Variants in RYR3 observed in about 807,000 individuals in gnomAD.
RYR3 encodes ryanodine receptor 3, also known as brain ryanodine receptor-calcium release channel.
Under a neutral mutation model 584.3 loss-of-function variants are expected in RYR3, and 207 were observed. That is an observed-to-expected ratio of 0.35 (90% CI 0.32 to 0.40). The LOEUF (loss-of-function observed/expected upper bound fraction) is 0.40. RYR3 is among the 10% of genes least tolerant of loss of function. The probability of loss-of-function intolerance (pLI) is 1.00; values close to 1 mark genes in which losing one functional copy is unlikely to be tolerated. For synonymous variants in RYR3, 2,416 were observed against 2,248.5 expected (o/e 1.07, Z -2.11); for missense variants, 5,616 against 6,089.2 (o/e 0.92, Z 2.59).
chr15:33,858,215 T>TTTTTTTGAGATGGAGTTTTGC (rs1276156247), intron 99 of RYR3: 5 of 293,762 alleles, frequency 1.7e-5, no homozygotes, highest in Non-Finnish European at 3.2e-5. Flanking sequence ...CATTATTTTA[T>TTTTTTTGAGATGGAGTTTTGC]TTTTTTGAGA....
rs1388636079 is a variant in RYR3, at chr15:33,464,501, T to TAC, written c.52-8917_52-8916insCA. ...ATATATATATATATACACATATATA[T>TAC]ATACATACACATACACATATATGTA... On this transcript the variant is annotated intron_variant, in intron 1 of 103. Coordinates refer to ENST00000634891, the MANE Select transcript of RYR3 (RefSeq NM_001036.6). Among the ~76,000 whole-genome samples the TAC allele has an allele frequency of 1.8e-3, 185 of 100,120 alleles. 9 individuals are homozygous for TAC. Among genetic ancestry groups the TAC allele is most frequent in the Admixed American group, 3.9e-3 (40 of 10,256 alleles). 65.7% of individuals were successfully genotyped at this position (100,120 alleles called of 152,430 possible).
chr15:33,623,442 A>G (rs1442553980), intron 19 of RYR3, among the ~76,000 whole-genome samples: 1 of 152,208 alleles, frequency 6.6e-6, no homozygotes, highest in African/African-American at 2.4e-5. Context: ...TGTAATTTTT[A>G]TATGATCTTT....
chr15:33,637,420 C>T (rs750691522), intron 27 of RYR3, among the ~76,000 whole-genome samples: 6 of 152,218 alleles, frequency 3.9e-5, no homozygotes, highest in South Asian at 2.1e-4. Context: ...GGTGCTTTGC[C>T]GCACTGTTTC....
Position 33,669,850 on chromosome 15 carries a change from G to GT in RYR3, c.5722+394_5722+395insT, listed in dbSNP as rs1178213098. ...ATTAGGGGTGTGTGTGTGTGGGGGG[G>GT]GGGGGGGGTGTGGGTGTGTGGGTGT... On this transcript the variant is annotated intron_variant, in intron 37 of 103. Transcript: ENST00000634891. Among the ~76,000 whole-genome samples, 33 of 47,602 alleles carry GT rather than the reference G, an allele frequency of 6.9e-4. 4 individuals are homozygous for GT. The highest frequency in any genetic ancestry group is 0.02 in the Middle Eastern group (2 of 98). The allele number at this position is 47,602 out of a possible 152,430, so 31.2% of individuals were successfully genotyped here. A position where few individuals can be genotyped will look rare whatever the true frequency, so the allele number is the denominator to read the frequency against.
At chr15:33,793,889 C>T (rs1343561303) in intron 67 of RYR3, among the ~76,000 whole-genome samples, 1 of 147,028 alleles carries the variant, frequency 6.8e-6, no homozygotes, top group East Asian at 2.0e-4. Context: ...CCAATAGAAA[C>T]ACTTTACACA....
intron 102 of RYR3, among the ~76,000 whole-genome samples, chr15:33,863,852 C>A (rs993827870): frequency 6.6e-6 from 1 of 152,088 alleles, no homozygotes; most frequent in Admixed American, 6.5e-5. Context: ...ATTTTGTTAA[C>A]AATAAAATGG....
At chr15:33,319,118 A>G (rs113724818) in intron 1 of RYR3, among the ~76,000 whole-genome samples, 1 of 152,166 alleles carries the variant, frequency 6.6e-6, no homozygotes, top group African/African-American at 2.4e-5. Context: ...TGAGTTCTCT[A>G]ATGGGGCTGG....
intron 72 of RYR3, among the ~76,000 whole-genome samples, chr15:33,811,943 A>C (rs891990728): frequency 1.3e-5 from 2 of 152,178 alleles, no homozygotes; most frequent in Admixed American, 6.5e-5. Context: ...CCAACACACA[A>C]AGTCTTTCCT....
chr15:33,668,429 T>A (rs997973031), intron 36 of RYR3, among the ~76,000 whole-genome samples: 1 of 152,044 alleles, frequency 6.6e-6, no homozygotes, highest in Non-Finnish European at 1.5e-5. Context: ...AATCTAGAGG[T>A]GTCCAAAGCA....
At chr15:33,755,695 A>C (rs899761147) in intron 58 of RYR3, among the ~76,000 whole-genome samples, 6 of 152,210 alleles carry the variant, frequency 3.9e-5, no homozygotes, top group African/African-American at 1.4e-4. Context: ...TTTTCGCACA[A>C]CTTATCCTAT....
At chr15:33,792,354 C>A (rs191992331) in intron 67 of RYR3, among the ~76,000 whole-genome samples, 33 of 152,224 alleles carry the variant, frequency 2.2e-4, no homozygotes, top group African/African-American at 7.9e-4. Flanking sequence ...AAGGCCTCTC[C>A]CCCAACCCGA....
In RYR3 at chr15:33,759,003, G is replaced by C. The variant is rs576758532; in HGVS notation, c.8705+1407G>C. Among the ~76,000 whole-genome samples the C allele has an allele frequency of 2.4e-4, 37 of 152,328 alleles. No homozygotes were observed. The South Asian group carries it at 7.1e-3, about 29-fold the overall frequency. On this transcript the variant is annotated intron_variant, in intron 60 of 103. Coordinates refer to ENST00000634891, the MANE Select transcript of RYR3 (RefSeq NM_001036.6). ...TCCGCTGGTGATACCCAGGCAAACA[G>C]GGTCTGGAGTGGACCTCCAGCAAAC...
Position 33,623,913 on chromosome 15 carries a change from G to C in RYR3, c.2464G>C (p.Glu822Gln). The C allele has an allele frequency of 1.2e-6, 2 of 1,613,844 alleles. No individual in the cohort carries two copies. The highest frequency in any genetic ancestry group is 8.5e-7 in the Non-Finnish European group (1 of 1,179,780). ...ACTTCCAAAAGAGAAGATGAGATTG[G>C]AGCCTGTCAAAGAATATAAACGTGA... ...ALLPKEKMRL[E>Q]PVKEYKRDAD... is the part of the protein sequence containing the mutation. The change falls in exon 20 of 104, where the codon GAG becomes CAG. Residue 822 changes from glutamate (E) to glutamine (Q), a missense_variant. Around this residue, in one of 9 missense-constraint regions of RYR3, gnomAD observed 1,284 missense variants for 1,344.6 expected, o/e 0.95. Transcript: ENST00000634891.
intron 1 of RYR3, among the ~76,000 whole-genome samples, chr15:33,393,381 A>G (rs369551513): frequency 1.3e-4 from 20 of 152,326 alleles, no homozygotes; most frequent in African/African-American, 4.8e-4. Context: ...TTATATTTCT[A>G]TAGAAAGGTT....
chr15:33,457,507 C>A (rs1343530676), intron 1 of RYR3, among the ~76,000 whole-genome samples: 1 of 152,122 alleles, frequency 6.6e-6, no homozygotes, highest in Non-Finnish European at 1.5e-5. Flanking sequence ...ACCAGTATCA[C>A]ACATATGTGA....
chr15:33,759,058 C>G (rs1185930490), intron 60 of RYR3, among the ~76,000 whole-genome samples: 1 of 152,126 alleles, frequency 6.6e-6, no homozygotes, highest in African/African-American at 2.4e-5. Context: ...AGGGACCTGA[C>G]TGTTAGAAGG....
rs2051638157 is a variant in RYR3, at chr15:33,498,455, T to G, written c.172-5176T>G. On this transcript the variant is annotated intron_variant, in intron 2 of 103. Transcript: ENST00000634891. Reference sequence around the variant, plus strand: ...GATATGAGCATTTTTCAAATACCTATTGCCCACTTCTGTGTCTTCTTTTGA... The same window carrying G: ...GATATGAGCATTTTTCAAATACCTAGTGCCCACTTCTGTGTCTTCTTTTGA... Among the ~76,000 whole-genome samples the G allele has an allele frequency of 2.0e-5, 3 of 152,194 alleles. No individual in the cohort carries two copies. The South Asian group carries it at 6.2e-4, about 32-fold the overall frequency.
intron 32 of RYR3, among the ~76,000 whole-genome samples, chr15:33,655,270 A>G (rs2062759286): frequency 6.6e-6 from 1 of 152,170 alleles, no homozygotes; most frequent in South Asian, 2.1e-4. Context: ...CCCCTGAGAA[A>G]TGTTTTATAT....
chr15:33,687,138 C>T (rs997618058), intron 38 of RYR3, among the ~76,000 whole-genome samples: 2 of 152,168 alleles, frequency 1.3e-5, no homozygotes, highest in Admixed American at 6.5e-5. Context: ...TCCCTGTTTG[C>T]CAATGACATG....
Sources: gnomAD v4.1 joint callset for allele counts (sites outside exome capture counted in the v4.1 genomes callset) on GRCh38, gnomAD v4.1.1 for gene constraint, gnomAD v4.1.1 regional missense constraint, MANE v1.5 for transcripts, NCBI Gene and HGNC (gene_info 2026-07-23, HGNC 2026-07-21) for gene names.